The following HECW2 variants were observed in gnomAD, a reference collection of about 807,000 sequenced individuals.
HECW2 encodes E3 ubiquitin-protein ligase HECW2.
Under a neutral mutation model 175.2 loss-of-function variants are expected in HECW2, and 61 were observed. That is an observed-to-expected ratio of 0.35 (90% confidence interval 0.28 to 0.43). The LOEUF (loss-of-function observed/expected upper bound fraction) is 0.43, where lower values mean the gene tolerates loss of function less well. Among genes scored for constraint, HECW2 ranks in the 20% least tolerant of loss-of-function variants. HECW2 has a pLI of 1.00. For missense variants in HECW2, 1,524 were observed against 2,000.5 expected (o/e 0.76, Z 4.54); for synonymous variants, 671 against 731.0 (o/e 0.92, Z 1.32).
intron 10 of HECW2, among the ~76,000 whole-genome samples, chr2:196,310,010 T>C (rs1351379006): frequency 6.6e-6 from 1 of 152,198 alleles, no homozygotes; most frequent in African/African-American, 2.4e-5. Flanking sequence ...TGACTATGGC[T>C]TGCTTGAGGT....
At chr2:196,477,350 C>A (rs1023332376) in intron 1 of HECW2, among the ~76,000 whole-genome samples, 2 of 152,138 alleles carry the variant, frequency 1.3e-5, no homozygotes, top group Non-Finnish European at 2.9e-5. Flanking sequence ...CAAACTCAAT[C>A]AAAATTCCTT....
At chr2:196,443,095 A>C (rs1473172743) in intron 1 of HECW2, among the ~76,000 whole-genome samples, 1 of 152,174 alleles carries the variant, frequency 6.6e-6, no homozygotes, top group Non-Finnish European at 1.5e-5. Context: ...TTTCTCCATG[A>C]TGTTGCTCAG....
chr2:196,511,337 C>T (rs976724628), intron 1 of HECW2, among the ~76,000 whole-genome samples: 1 of 152,208 alleles, frequency 6.6e-6, no homozygotes, highest in Non-Finnish European at 1.5e-5. Context: ...TATTTCCATT[C>T]ATTTTCTAGA....
chr2:196,575,782 A>G (rs1690540013), intron 1 of HECW2, among the ~76,000 whole-genome samples: 1 of 152,170 alleles, frequency 6.6e-6, no homozygotes, highest in Non-Finnish European at 1.5e-5. Context: ...ACTTTTACTC[A>G]TGGTGGGAGG....
intron 1 of HECW2, among the ~76,000 whole-genome samples, chr2:196,582,350 T>G (rs773333500): frequency 2.0e-5 from 3 of 152,178 alleles, no homozygotes; most frequent in Non-Finnish European, 4.4e-5. Context: ...CCAGCTATGG[T>G]CCAGCATCCT....
chr2:196,328,283 C>G (rs981188941), intron 5 of HECW2, among the ~76,000 whole-genome samples: 4 of 152,100 alleles, frequency 2.6e-5, no homozygotes, highest in Non-Finnish European at 4.4e-5. Flanking sequence ...GGAGATAGTA[C>G]CACAGGCAGT....
At chr2:196,234,901 A>C (rs1688186414) in intron 21 of HECW2, among the ~76,000 whole-genome samples, 1 of 152,158 alleles carries the variant, frequency 6.6e-6, no homozygotes, top group Non-Finnish European at 1.5e-5. Context: ...GCAGATAACC[A>C]GATTAAGTTG....
At chr2:196,341,396 C>G (rs1054360282) in intron 3 of HECW2, among the ~76,000 whole-genome samples, 1 of 150,128 alleles carries the variant, frequency 6.7e-6, no homozygotes, top group Admixed American at 6.6e-5. Context: ...AAGGAGGAAT[C>G]ACACTGAAAG....
intron 1 of HECW2, among the ~76,000 whole-genome samples, chr2:196,582,587 G>A (rs953910412): frequency 4.6e-5 from 7 of 152,090 alleles, no homozygotes; most frequent in South Asian, 2.1e-4. Flanking sequence ...CTTCTTTTAC[G>A]TCTTTTTATT....
intron 19 of HECW2, among the ~76,000 whole-genome samples, chr2:196,250,651 G>T (rs1274206120): frequency 2.6e-5 from 4 of 152,092 alleles, no homozygotes; most frequent in Non-Finnish European, 5.9e-5. Flanking sequence ...CTTTCAGCCT[G>T]TGTCATCAAA....
intron 1 of HECW2, among the ~76,000 whole-genome samples, chr2:196,550,747 A>C (rs1027407505): frequency 6.6e-6 from 1 of 152,228 alleles, no homozygotes; most frequent in Non-Finnish European, 1.5e-5. Flanking sequence ...TGTCATTTTA[A>C]ATGGCAAAAT....
Position 196,204,541 on chromosome 2 carries a change from C to G in HECW2, c.4608-3153G>C, listed in dbSNP as rs557075270. 5.9e-4 allele frequency among the ~76,000 whole-genome samples: 90 copies of G among 152,300 alleles called. No individual in the cohort carries two copies. In the South Asian group the frequency reaches 0.017, roughly 29 times the overall value. On this transcript the variant is annotated intron_variant, in intron 28 of 28. Coordinates refer to ENST00000644978, the MANE Select transcript of HECW2 (RefSeq NM_001348768.2). ...AGGGAACTTGGAAGCAGATTCTTCC[C>G]TAGTTGGTCCTCCAAATGAGAATGC...
At chr2:196,552,832 T>A (rs1005700167) in intron 1 of HECW2, among the ~76,000 whole-genome samples, 2 of 152,210 alleles carry the variant, frequency 1.3e-5, no homozygotes, top group Admixed American at 6.5e-5. Flanking sequence ...CTTCAGTGAA[T>A]CAGGGAAAGG....
intron 15 of HECW2, 30 bp from the exon 16 acceptor site, chr2:196,274,153 C>A: frequency 6.5e-7 from 1 of 1,532,738 alleles, no homozygotes; most frequent in Non-Finnish European, 9.0e-7. Flanking sequence ...TTATGTTCTG[C>A]ACCAAGAGCC....
rs111607674 is a variant in HECW2, at chr2:196,530,091, ATTC to A, written c.-36+63414_-36+63416del. Among the ~76,000 whole-genome samples the A allele has an allele frequency of 2.9e-3, 447 of 152,314 alleles. 1 individual carries two copies. The highest frequency in any genetic ancestry group is 0.01 in the African/African-American group (422 of 41,560). On this transcript the variant is annotated intron_variant, in intron 1 of 28. Coordinates refer to ENST00000644978, the MANE Select transcript of HECW2 (RefSeq NM_001348768.2). Reference sequence around the variant, plus strand: ...AAAAAAATCAGAAGATCTGGCAATAATTCTTATTTACAAATGGCAACACTTGCC... The same window carrying A: ...AAAAAAATCAGAAGATCTGGCAATAATTATTTACAAATGGCAACACTTGCC...
chr2:196,447,955 A>AG (rs1205514666), intron 1 of HECW2, among the ~76,000 whole-genome samples: 1 of 152,236 alleles, frequency 6.6e-6, no homozygotes, highest in Non-Finnish European at 1.5e-5. Flanking sequence ...GCTACTCAGG[A>AG]GGCTGAGACA....
At chr2:196,418,026 GGTTA>G (rs1213928521) in intron 2 of HECW2, among the ~76,000 whole-genome samples, 2 of 152,152 alleles carry the variant, frequency 1.3e-5, no homozygotes, top group African/African-American at 4.8e-5. Flanking sequence ...ACATTTTTTA[GGTTA>G]GTCATTCATT....
rs563905477 is a variant in HECW2, at chr2:196,281,906, T to A, written c.3001-3244A>T. ...GTCACCTTGGGCAAATTAGTTAAAA[T>A]TTTTAAACCTCAGTTTCTTTTCCTG... On this transcript the variant is annotated intron_variant, in intron 14 of 28. Coordinates refer to ENST00000644978, the MANE Select transcript of HECW2 (RefSeq NM_001348768.2). Among the ~76,000 whole-genome samples, 4 of 152,248 alleles carry A rather than the reference T, an allele frequency of 2.6e-5. No individual in the cohort carries two copies. In the East Asian group the frequency reaches 5.8e-4, roughly 22 times the overall value.
intron 2 of HECW2, among the ~76,000 whole-genome samples, chr2:196,368,514 A>G (rs1693815156): frequency 6.6e-6 from 1 of 152,046 alleles, no homozygotes; most frequent in African/African-American, 2.4e-5. Context: ...GAATATTGAT[A>G]TCTTTCTCTA....
Sources: allele counts gnomAD v4.1 joint callset (sites outside exome capture counted in the v4.1 genomes callset), GRCh38; gene constraint gnomAD v4.1.1; transcripts MANE v1.5; gene names NCBI Gene and HGNC (gene_info 2026-07-23, HGNC 2026-07-21).